The following USH2A variants were observed in gnomAD, a reference collection of about 807,000 sequenced individuals.
USH2A encodes usherin.
Under a neutral mutation model 538.9 loss-of-function variants are expected in USH2A, and 443 were observed. That is an observed-to-expected ratio of 0.82 (90% CI 0.76 to 0.89). The LOEUF (loss-of-function observed/expected upper bound fraction) is 0.89. Ranked by LOEUF, USH2A falls within the 40% of genes least tolerant of loss-of-function variation. The probability of loss-of-function intolerance (pLI) is 0.00; values close to 1 mark genes in which losing one functional copy is unlikely to be tolerated. For missense variants in USH2A, 6,633 were observed against 6,324.8 expected (o/e 1.05, Z -1.65); for synonymous variants, 2,413 against 2,273.5 (o/e 1.06, Z -1.75).
chr1:216,073,230 G>T lies in USH2A; in HGVS notation c.5643C>A (p.Ser1881Arg), dbSNP rs145535748. ...GAVVNLASVS[S>R]GAVRVNLDGC... ...CATCCAGATTGACTCTGACAGCACC[G>T]CTGGACACAGATGCCAAGTTAACGA... The change falls in exon 28 of 72, where the codon AGC (serine) becomes AGA (arginine). Residue 1881 changes from serine to arginine, a missense_variant. Coordinates refer to ENST00000307340, the MANE Select transcript of USH2A (RefSeq NM_206933.4). 6.2e-7 allele frequency: 1 copy of T among 1,613,760 alleles called. No homozygotes were observed. The highest frequency in any genetic ancestry group is 8.5e-7 in the Non-Finnish European group (1 of 1,179,916).
At chr1:216,058,620 T>A (rs2031063553) in intron 30 of USH2A, among the ~76,000 whole-genome samples, 1 of 127,248 alleles carries the variant, frequency 7.9e-6, no homozygotes. Flanking sequence ...ACCAACATAT[T>A]TTTTTTCTAT....
At chr1:216,009,321 C>T (rs1297998928) in intron 32 of USH2A, among the ~76,000 whole-genome samples, 1 of 152,142 alleles carries the variant, frequency 6.6e-6, no homozygotes, top group East Asian at 1.9e-4. Flanking sequence ...CTTAAAACCT[C>T]TTCAACTCTC....
At chr1:216,122,489 A>T (rs1431992573) in intron 21 of USH2A, among the ~76,000 whole-genome samples, 1 of 152,206 alleles carries the variant, frequency 6.6e-6, no homozygotes, top group Non-Finnish European at 1.5e-5. Context: ...CAGGGGATCA[A>T]CTTTAGTCGA....
intron 3 of USH2A, among the ~76,000 whole-genome samples, chr1:216,390,926 A>C (rs2039096456): frequency 6.6e-6 from 1 of 152,234 alleles, no homozygotes; most frequent in South Asian, 2.1e-4. Flanking sequence ...ATTAAATTGA[A>C]TCATTACAGC....
chr1:215,768,844 T>C (rs1240019852), intron 55 of USH2A, among the ~76,000 whole-genome samples: 1 of 152,164 alleles, frequency 6.6e-6, no homozygotes, highest in Non-Finnish European at 1.5e-5. Context: ...TATAAGCCCT[T>C]TGAGAGTAGA....
chr1:216,373,724 A>G (rs1015181273), intron 3 of USH2A, among the ~76,000 whole-genome samples: 10 of 151,948 alleles, frequency 6.6e-5, no homozygotes, highest in Admixed American at 2.0e-4. Context: ...TCTTTTATAG[A>G]AAAAACACCT....
intron 61 of USH2A, among the ~76,000 whole-genome samples, chr1:215,693,099 T>TGTGC (rs1208841862): frequency 6.6e-4 from 71 of 107,560 alleles, no homozygotes; most frequent in Non-Finnish European, 1.3e-3. Flanking sequence ...TATATGTGTG[T>TGTGC]GTGTGTGTGT....
At chr1:216,336,344 A>C (rs532974174) in intron 4 of USH2A, among the ~76,000 whole-genome samples, 1 of 151,426 alleles carries the variant, frequency 6.6e-6, no homozygotes, top group East Asian at 1.9e-4. Flanking sequence ...ATCAGGAACA[A>C]GATAACAATG....
intron 69 of USH2A, among the ~76,000 whole-genome samples, chr1:215,634,929 G>A (rs570435831): frequency 9.2e-5 from 14 of 152,312 alleles, no homozygotes; most frequent in South Asian, 6.2e-4. Context: ...CACTTCTGGC[G>A]CTGCTGCTCA....
intron 62 of USH2A, among the ~76,000 whole-genome samples, chr1:215,677,106 TAGA>T (rs1347522466): frequency 6.6e-6 from 1 of 152,176 alleles, no homozygotes; most frequent in African/African-American, 2.4e-5. Context: ...TCACTGAAAA[TAGA>T]AGCAGTTAGA....
chr1:215,741,296 T>C (rs1315935903), intron 60 of USH2A, 79 bp downstream of exon 60: 3 of 1,497,600 alleles, frequency 2.0e-6, no homozygotes, highest in African/African-American at 1.4e-5. Context: ...TATGGAAATA[T>C]AAAATGCTCT....
At chr1:215,673,985 G>A in intron 63 of USH2A, 115 bp downstream of exon 63, 5 of 1,572,378 alleles carry the variant, frequency 3.2e-6, no homozygotes, top group Non-Finnish European at 4.4e-6. Context: ...GTGGATGGAG[G>A]TTGGGGACAC....
At chr1:215,660,251 C>A (rs1439133864) in intron 64 of USH2A, among the ~76,000 whole-genome samples, 1 of 152,152 alleles carries the variant, frequency 6.6e-6, no homozygotes, top group Non-Finnish European at 1.5e-5. Context: ...GTAATAACAC[C>A]TATTTCAAAT....
Position 215,674,693 on chromosome 1 carries a change from C to A in USH2A, c.13218G>T (p.Leu4406=), listed in dbSNP as rs776341360. The change falls in exon 63 of 72, where the codon CTG becomes CTT. Residue 4406 remains leucine, a synonymous_variant. Coordinates refer to ENST00000307340, the MANE Select transcript of USH2A (RefSeq NM_206933.4). ...AGTAAGGCTGCAGGTGGGAAACCAG[C>A]AGGCACAGGCCCTGGCCAGCAAGGG... ...KESLAGQGLC[L]LVSHLQPYSQ... The A allele has an allele frequency of 6.2e-7, 1 of 1,614,072 alleles. No homozygotes were observed. Among genetic ancestry groups the A allele is most frequent in the South Asian group, 1.1e-5 (1 of 91,078 alleles).
rs146221168 is a variant in USH2A at position 216,341,031 on chromosome 1, A to G, written c.785-13377T>C. Reference sequence around the variant, plus strand: ...AAGAGAAAGAAATAAAGGGTATTCAAACAGGAAGAGAGGAAGTCAAATTGT... The same window carrying G: ...AAGAGAAAGAAATAAAGGGTATTCAGACAGGAAGAGAGGAAGTCAAATTGT... On this transcript the variant is annotated intron_variant, in intron 4 of 71. Transcript: ENST00000307340. Among the ~76,000 whole-genome samples the G allele has an allele frequency of 4.3e-4, 65 of 152,236 alleles. 1 individual carries two copies. Among genetic ancestry groups the G allele is most frequent in the African/African-American group, 1.5e-3 (64 of 41,552 alleles).
chr1:215,882,934 C>T (rs1664954056), intron 41 of USH2A, among the ~76,000 whole-genome samples: 1 of 152,056 alleles, frequency 6.6e-6, no homozygotes, highest in Admixed American at 6.6e-5. Flanking sequence ...CCAAGTATTG[C>T]CATGCCAAAA....
chr1:216,230,898 T>A (rs404649), intron 14 of USH2A, among the ~76,000 whole-genome samples: 41,970 of 146,294 alleles, frequency 0.29, 6,266 homozygotes, highest in African/African-American at 0.4. Flanking sequence ...TCTCTCTCTC[T>A]CACACACACA....
At chr1:216,412,298 T>C (rs2039502246) in intron 3 of USH2A, among the ~76,000 whole-genome samples, 1 of 152,100 alleles carries the variant, frequency 6.6e-6, no homozygotes, top group African/African-American at 2.4e-5. Flanking sequence ...GCAAAAAACG[T>C]ACAGAGAATA....
intron 50 of USH2A, among the ~76,000 whole-genome samples, chr1:215,794,256 T>G (rs925368730): frequency 7.9e-5 from 12 of 152,204 alleles, no homozygotes; most frequent in African/African-American, 2.9e-4. Context: ...GAGATTTGAT[T>G]TGGTGTGAGA....
Sources: allele counts gnomAD v4.1 joint callset (sites outside exome capture counted in the v4.1 genomes callset), GRCh38; gene constraint gnomAD v4.1.1; transcripts MANE v1.5; gene names NCBI Gene and HGNC (gene_info 2026-07-23, HGNC 2026-07-21).